The following PDS5B variants were observed in gnomAD, a reference collection of about 807,000 sequenced individuals.
PDS5B encodes PDS5 cohesin associated factor B.
PDS5B carries 51 observed loss-of-function variants against 184.1 expected under a neutral mutation model. The observed-to-expected ratio is 0.28, with a 90% CI of 0.22 to 0.35. PDS5B has a LOEUF of 0.35. Among genes scored for constraint, PDS5B ranks in the 10% least tolerant of loss-of-function variants. The pLI is 1.00. For missense variants in PDS5B, 1,180 were observed against 1,723.3 expected, an observed-to-expected ratio of 0.68 and a Z score of 5.58; for synonymous variants, 566 against 569.2, an observed-to-expected ratio of 0.99 and a Z score of 0.08.
intron 17 of PDS5B, among the ~76,000 whole-genome samples, chr13:32,705,061 G>C (rs1951968682): frequency 6.6e-6 from 1 of 152,140 alleles, no homozygotes; most frequent in African/African-American, 2.4e-5. Flanking sequence ...TAGTAGTTCA[G>C]TTGTCCTTCC....
rs368080614 is a variant in PDS5B at position 32,775,097 on chromosome 13, CT to C, written c.*60del. 2,204 of 861,282 alleles carry C rather than the reference CT, an allele frequency of 2.6e-3. No individual in the cohort carries two copies. The highest frequency in any genetic ancestry group is 2.8e-3 in the Non-Finnish European group (1,680 of 590,048). 53.4% of individuals were successfully genotyped at this position (861,282 alleles called of 1,614,324 possible). A position where few individuals can be genotyped will look rare whatever the true frequency, so the allele number is the denominator to read the frequency against. On this transcript the variant is annotated 3_prime_UTR_variant, in exon 35 of 35. Coordinates refer to ENST00000315596, the MANE Select transcript of PDS5B (RefSeq NM_015032.4). ...TTCTCTGTGAAAGCTTTGGAAAAAT[CT>C]TTTTTTTTTTTTTTGGTCAAGCTTG... is the stretch of plus-strand genomic sequence containing the variant.
intron 3 of PDS5B, chr13:32,652,258 T>C (rs1950384345): frequency 3.1e-6 from 1 of 324,968 alleles, no homozygotes; most frequent in African/African-American, 2.1e-5. Context: ...GCTCTGTTTC[T>C]TTCATTATAA....
intron 33 of PDS5B, among the ~76,000 whole-genome samples, chr13:32,772,576 G>T (rs767133029): frequency 2.0e-5 from 3 of 152,214 alleles, no homozygotes; most frequent in Non-Finnish European, 2.9e-5. Flanking sequence ...TTGGATTGTA[G>T]TTGTGGGGAG....
At chr13:32,684,710 G>C (rs1425972997) in intron 11 of PDS5B, among the ~76,000 whole-genome samples, 2 of 152,210 alleles carry the variant, frequency 1.3e-5, no homozygotes, top group Non-Finnish European at 2.9e-5. Flanking sequence ...AGGCATAAGA[G>C]TAATTTTGGT....
In PDS5B at chr13:32,717,128, C is replaced by T. The variant is rs1263518175; in HGVS notation, c.2123+7022C>T. 4.6e-4 allele frequency among the ~76,000 whole-genome samples: 70 copies of T among 150,992 alleles called. No homozygotes were observed. In the East Asian group the frequency reaches 0.011, roughly 24 times the overall value. The stretch of plus-strand genomic sequence containing the variant: ...CCGGGAGGTGAGGGGCGCCTCTGCC[C>T]GGCCGCCCCTACTGGGAAGTGAGGA... On this transcript the variant is annotated intron_variant, in intron 19 of 34. Transcript: ENST00000315596.
chr13:32,643,667 C>T lies in PDS5B; in HGVS notation c.-19-5087C>T, dbSNP rs566041822. 4.6e-5 allele frequency among the ~76,000 whole-genome samples: 7 copies of T among 152,064 alleles called. No individual in the cohort carries two copies. In the East Asian group the frequency reaches 7.7e-4, roughly 17 times the overall value. On this transcript the variant is annotated intron_variant, in intron 1 of 34. Transcript: ENST00000315596. ...TACACAGATACTTACCATTGTGTTA[C>T]GGTTGTGTACAGTATTCAGTACAGT...
chr13:32,740,328 C>T (rs1015551013), intron 21 of PDS5B, among the ~76,000 whole-genome samples: 2 of 152,112 alleles, frequency 1.3e-5, no homozygotes, highest in African/African-American at 2.4e-5. Context: ...TAATGTGATT[C>T]CTTTTTCATT....
At chr13:32,628,144 T>TA (rs1410911256) in intron 1 of PDS5B, among the ~76,000 whole-genome samples, 2 of 152,220 alleles carry the variant, frequency 1.3e-5, no homozygotes, top group African/African-American at 4.8e-5. Context: ...GGATTGCTTT[T>TA]AAAAAATACT....
intron 1 of PDS5B, among the ~76,000 whole-genome samples, chr13:32,587,340 G>T (rs1278416153): frequency 6.6e-6 from 1 of 152,158 alleles, no homozygotes; most frequent in Non-Finnish European, 1.5e-5. Flanking sequence ...CAGCACTGGC[G>T]TGGAGGGACT....
At chr13:32,596,646 C>T (rs1238049274) in intron 1 of PDS5B, among the ~76,000 whole-genome samples, 2 of 151,656 alleles carry the variant, frequency 1.3e-5, no homozygotes, top group Non-Finnish European at 2.9e-5. Context: ...TACATCCTCA[C>T]CAACACTTGG....
intron 17 of PDS5B, among the ~76,000 whole-genome samples, chr13:32,702,632 A>G (rs1475325831): frequency 6.6e-6 from 1 of 152,160 alleles, no homozygotes; most frequent in Non-Finnish European, 1.5e-5. Context: ...TTCTGTTTTT[A>G]TAGAAGTGCC....
intron 6 of PDS5B, among the ~76,000 whole-genome samples, chr13:32,661,934 A>G (rs1176121863): frequency 6.6e-6 from 1 of 152,168 alleles, no homozygotes; most frequent in African/African-American, 2.4e-5. Flanking sequence ...ATTTGGAGCT[A>G]TTAAGTTTGA....
chr13:32,703,122 C>T lies in PDS5B; in HGVS notation c.1856+1684C>T, dbSNP rs113916206. 6.6e-3 allele frequency among the ~76,000 whole-genome samples: 999 copies of T among 152,122 alleles called. 9 individuals carry two copies. The highest frequency in any genetic ancestry group is 0.011 in the Non-Finnish European group (716 of 67,968). On this transcript the variant is annotated intron_variant, in intron 17 of 34. Coordinates refer to ENST00000315596, the MANE Select transcript of PDS5B (RefSeq NM_015032.4). The stretch of plus-strand genomic sequence containing the variant: ...TTTGAAGGAGGTGAGAGAGGTTGTG[C>T]TTCCTACTTGTACATGACAAACAAT...
chr13:32,676,748 G>A lies in PDS5B; in HGVS notation c.962+789G>A, dbSNP rs535325418. On this transcript the variant is annotated intron_variant, in intron 9 of 34. Coordinates refer to ENST00000315596, the MANE Select transcript of PDS5B (RefSeq NM_015032.4). ...AGATCGAGACCATCCTGGCTAACAC[G>A]GTGAAACCCAGTCTCTATTAAAAAT... Among the ~76,000 whole-genome samples, 217 of 151,908 alleles carry A rather than the reference G, an allele frequency of 1.4e-3. 1 individual carries two copies. Among genetic ancestry groups the A allele is most frequent in the South Asian group, 6.7e-3 (32 of 4,808 alleles).
rs9595887 is a variant in PDS5B at position 32,594,324 on chromosome 13, A to G, written c.-20+7731A>G. Among the ~76,000 whole-genome samples the G allele has an allele frequency of 3.9e-5, 6 of 152,288 alleles. No homozygotes were observed. In the South Asian group the frequency reaches 1.2e-3, roughly 32 times the overall value. Reference sequence around the variant, plus strand: ...TAGTTTTAGAGAATGCAAAAATGGGATAATTACTGAATGGATGTTTGCATA... The same window carrying G: ...TAGTTTTAGAGAATGCAAAAATGGGGTAATTACTGAATGGATGTTTGCATA... On this transcript the variant is annotated intron_variant, in intron 1 of 34. Transcript: ENST00000315596.
At position 32,667,728 on chromosome 13, in the gene PDS5B, G is replaced by C. The variant is rs567897008; in HGVS notation, c.625-36G>C. The C allele has an allele frequency of 4.5e-5, 58 of 1,284,292 alleles. No individual in the cohort carries two copies. The South Asian group carries it at 7.6e-4, about 17-fold the overall frequency. The allele number at this position is 1,284,292 out of a possible 1,614,324, so 79.6% of individuals were successfully genotyped here. ...GGTAATATTTTGCTTTTCATAGTTA[G>C]AGATATATAATATAGATATTGTTTA... On this transcript the variant is annotated intron_variant, in intron 6 of 34. Coordinates refer to ENST00000315596, the MANE Select transcript of PDS5B (RefSeq NM_015032.4).
At chr13:32,742,447 G>C in intron 22 of PDS5B, 144 bp from the exon 23 acceptor site, 1 of 591,142 alleles carries the variant, frequency 1.7e-6, no homozygotes, top group Non-Finnish European at 2.9e-6. Context: ...TAAAACATTC[G>C]AGATTATCTT....
intron 6 of PDS5B, among the ~76,000 whole-genome samples, chr13:32,661,825 G>T (rs1950658084): frequency 6.6e-6 from 1 of 152,100 alleles, no homozygotes; most frequent in East Asian, 1.9e-4. Context: ...ACTGATTACT[G>T]ACTTCTCATT....
chr13:32,755,922 G>C lies in PDS5B; in HGVS notation c.3022G>C (p.Val1008Leu), dbSNP rs1388886750. 1 of 1,577,506 alleles carries C rather than the reference G, an allele frequency of 6.3e-7. No individual in the cohort carries two copies. Among genetic ancestry groups the C allele is most frequent in the Non-Finnish European group, 8.7e-7 (1 of 1,151,440 alleles). ...LLAHDPDYVK[V>L]QDIEQLKDVK... ...GGCACATGACCCAGATTATGTCAAA[G>C]TACAGGATATTGAACAACTTAAAGA... is the stretch of plus-strand genomic sequence containing the variant. Residue 1008 changes from valine to leucine, a missense_variant, in exon 26 of 35, where the codon GTA (valine) becomes CTA (leucine). Physicochemically the swap from Val to Leu is conservative, Grantham distance 32 (BLOSUM62 1). Around this residue, in one of 11 missense-constraint regions of PDS5B, gnomAD observed 57 missense variants for 80.9 expected, o/e 0.70. Coordinates refer to ENST00000315596, the MANE Select transcript of PDS5B (RefSeq NM_015032.4).
Sources: gnomAD v4.1 joint callset for allele counts (sites outside exome capture counted in the v4.1 genomes callset) on GRCh38, gnomAD v4.1.1 for gene constraint, gnomAD v4.1.1 regional missense constraint, MANE v1.5 for transcripts, NCBI Gene and HGNC (gene_info 2026-07-23, HGNC 2026-07-21) for gene names.